Variants in PTPRD observed in about 807,000 individuals in gnomAD.
PTPRD encodes receptor-type tyrosine-protein phosphatase delta.
A neutral mutation model predicts 214.5 loss-of-function variants in PTPRD; 34 were observed. That is an observed-to-expected ratio of 0.16 (90% CI 0.12 to 0.21). PTPRD has a LOEUF of 0.21. Among genes scored for constraint, PTPRD ranks in the 10% least tolerant of loss-of-function variants. The pLI, the probability that PTPRD is intolerant of heterozygous loss-of-function variation, is 1.00. For missense variants in PTPRD, 2,545 were observed against 2,398.7 expected (o/e 1.06, Z -1.27); for synonymous variants, 1,128 against 845.7 (o/e 1.33, Z -5.79).
intron 11 of PTPRD, among the ~76,000 whole-genome samples, chr9:8,754,197 G>T (rs903893334): frequency 6.6e-6 from 1 of 152,104 alleles, no homozygotes; most frequent in Non-Finnish European, 1.5e-5. Context: ...GTTTATCTAT[G>T]AATTCACTGT....
rs577517396 is a variant in PTPRD, at chr9:9,275,384, C to T, written c.-202-92021G>A. 1.8e-3 allele frequency among the ~76,000 whole-genome samples: 267 copies of T among 148,758 alleles called. 1 individual carries two copies. The highest frequency in any genetic ancestry group is 6.4e-3 in the African/African-American group (259 of 40,538). On this transcript the variant is annotated intron_variant, in intron 9 of 45. Coordinates refer to ENST00000381196, the MANE Select transcript of PTPRD (RefSeq NM_002839.4). The stretch of plus-strand genomic sequence containing the variant: ...TGTCCTTTGTGTATGTATGTATTTC[C>T]CTCAAAATGGCTCAGAGTCACCTGC...
chr9:9,712,224 C>G (rs560574343), intron 7 of PTPRD, among the ~76,000 whole-genome samples: 18 of 152,168 alleles, frequency 1.2e-4, no homozygotes, highest in African/African-American at 4.3e-4. Flanking sequence ...AAGTAGCCAT[C>G]TGGACTGAGA....
rs373887333 is a variant in PTPRD at position 9,097,416 on chromosome 9, C to G, written c.-142-78681G>C. 2.4e-5 allele frequency among the ~76,000 whole-genome samples: 3 copies of G among 126,628 alleles called. No homozygotes were observed. In the Admixed American group the frequency reaches 2.4e-4, roughly 10 times the overall value. The allele number at this position is 126,628 out of a possible 152,430, so 83.1% of individuals were successfully genotyped here. On this transcript the variant is annotated intron_variant, in intron 10 of 45. Transcript: ENST00000381196. ...ACACCATGGCTCTTTTTTTTTTTTT[C>G]TTTTTCTTTTGAGATGGAGTCTCGC...
intron 3 of PTPRD, among the ~76,000 whole-genome samples, chr9:10,334,033 GGCAA>G (rs2096798109): frequency 6.6e-6 from 1 of 151,366 alleles, no homozygotes; most frequent in South Asian, 2.1e-4. Flanking sequence ...TTTCTAAACA[GGCAA>G]GTATATATAG....
At chr9:10,199,953 AT>A (rs775092378) in intron 3 of PTPRD, among the ~76,000 whole-genome samples, 8 of 152,150 alleles carry the variant, frequency 5.3e-5, no homozygotes, top group Non-Finnish European at 8.8e-5. Flanking sequence ...TACTGAGGAA[AT>A]AACAAATATA....
chr9:10,072,002 GA>G (rs1027364441), intron 3 of PTPRD, among the ~76,000 whole-genome samples: 2 of 151,606 alleles, frequency 1.3e-5, no homozygotes, highest in African/African-American at 4.8e-5. Flanking sequence ...TATAAATGAT[GA>G]AAAAATTGGT....
intron 6 of PTPRD, among the ~76,000 whole-genome samples, chr9:9,748,453 C>T (rs10816175): frequency 2.0e-5 from 3 of 151,896 alleles, no homozygotes; most frequent in African/African-American, 4.8e-5. Context: ...AAAATAAAGA[C>T]GAAAAAAGAT....
At chr9:8,749,694 C>G (rs981312203) in intron 11 of PTPRD, among the ~76,000 whole-genome samples, 48 of 152,312 alleles carry the variant, frequency 3.2e-4, no homozygotes, top group African/African-American at 1.1e-3. Context: ...AATAACTTTA[C>G]ACACAAACAG....
chr9:9,748,822 A>G (rs2154463071), intron 6 of PTPRD, among the ~76,000 whole-genome samples: 1 of 152,364 alleles, frequency 6.6e-6, no homozygotes, highest in Non-Finnish European at 1.5e-5. Flanking sequence ...GAAATGTAAT[A>G]ATGGAAGAGT....
chr9:10,360,642 T>A (rs531406473), intron 2 of PTPRD, among the ~76,000 whole-genome samples: 1 of 152,360 alleles, frequency 6.6e-6, no homozygotes, highest in Non-Finnish European at 1.5e-5. Flanking sequence ...AATATTTTTT[T>A]GAATCCCTTT....
intron 8 of PTPRD, among the ~76,000 whole-genome samples, chr9:9,473,301 C>T (rs1024310514): frequency 6.6e-6 from 1 of 152,098 alleles, no homozygotes; most frequent in African/African-American, 2.4e-5. Flanking sequence ...TATTGAGTGA[C>T]AGGATTTTAT....
intron 4 of PTPRD, among the ~76,000 whole-genome samples, chr9:9,955,353 C>T (rs2093813490): frequency 6.6e-6 from 1 of 152,026 alleles, no homozygotes; most frequent in Non-Finnish European, 1.5e-5. Flanking sequence ...AAGCTATATT[C>T]TTAAATAAAT....
intron 8 of PTPRD, among the ~76,000 whole-genome samples, chr9:9,423,591 A>G: frequency 6.6e-6 from 1 of 152,236 alleles, no homozygotes; most frequent in East Asian, 1.9e-4. Context: ...AAGTGATACA[A>G]ATATTAGAAT....
intron 11 of PTPRD, among the ~76,000 whole-genome samples, chr9:8,783,291 G>C (rs1349105555): frequency 2.0e-5 from 3 of 152,122 alleles, no homozygotes; most frequent in Non-Finnish European, 2.9e-5. Context: ...CACAATGTTG[G>C]AGTTATTAAT....
chr9:10,171,615 C>T (rs1165925878), intron 3 of PTPRD, among the ~76,000 whole-genome samples: 5 of 152,166 alleles, frequency 3.3e-5, no homozygotes, highest in Admixed American at 1.3e-4. Context: ...AGCTCCGCCT[C>T]CCGGGTTCAC....
chr9:9,779,304 A>T (rs1451991093), intron 5 of PTPRD, among the ~76,000 whole-genome samples: 2 of 152,028 alleles, frequency 1.3e-5, no homozygotes, highest in South Asian at 2.1e-4. Flanking sequence ...GACAAAAAAA[A>T]TTTGGCTAAG....
chr9:8,445,458 A>G (rs1182975639), intron 34 of PTPRD, among the ~76,000 whole-genome samples: 1 of 152,210 alleles, frequency 6.6e-6, no homozygotes, highest in African/African-American at 2.4e-5. Context: ...GTGTTTACAT[A>G]CAGTGTTTCA....
In PTPRD at chr9:8,797,695, A is replaced by C. The variant is rs867723106; in HGVS notation, c.-103-63749T>G. Among the ~76,000 whole-genome samples, 5 of 152,154 alleles carry C rather than the reference A, an allele frequency of 3.3e-5. No individual in the cohort carries two copies. In the South Asian group the frequency reaches 8.3e-4, roughly 25 times the overall value. On this transcript the variant is annotated intron_variant, in intron 11 of 45. Coordinates refer to ENST00000381196, the MANE Select transcript of PTPRD (RefSeq NM_002839.4). ...CCTGTCACTGATCTCACCAGGAGCAAAAGCTGAACCATTTATCCCACTATG... is the reference window on the plus strand; with the variant it reads ...CCTGTCACTGATCTCACCAGGAGCACAAGCTGAACCATTTATCCCACTATG...
chr9:9,359,621 G>C (rs538746143), intron 9 of PTPRD, among the ~76,000 whole-genome samples: 1 of 151,382 alleles, frequency 6.6e-6, no homozygotes, highest in East Asian at 2.0e-4. Context: ...ACATGGAGAT[G>C]TGGTATGAAA....
Sources: allele counts gnomAD v4.1 joint callset (sites outside exome capture counted in the v4.1 genomes callset), GRCh38; gene constraint gnomAD v4.1.1; transcripts MANE v1.5; gene names NCBI Gene and HGNC (gene_info 2026-07-23, HGNC 2026-07-21).